The following ASXL1 variants were observed in gnomAD, a reference collection of about 807,000 sequenced individuals.
The protein encoded by ASXL1 is ASXL transcriptional regulator 1, also known as polycomb group protein ASXL1.
ASXL1 carries 65 observed loss-of-function variants against 89.1 expected under a neutral mutation model. The observed-to-expected ratio is 0.73, with a 90% CI of 0.60 to 0.90. The LOEUF (loss-of-function observed/expected upper bound fraction) is 0.90, where lower values mean the gene tolerates loss of function less well. Among genes scored for constraint, ASXL1 ranks in the 40% least tolerant of loss-of-function variants. ASXL1 has a pLI of 0.00. For missense variants in ASXL1, 1,786 were observed against 1,942.9 expected, an observed-to-expected ratio of 0.92 and a Z score of 1.52; for synonymous variants, 739 against 746.9, an observed-to-expected ratio of 0.99 and a Z score of 0.17.
Position 32,435,436 on chromosome 20 carries a change from G to GA in ASXL1, c.2727dup (p.Gln910ThrfsTer14). 2 of 1,614,114 alleles carry GA rather than the reference G, an allele frequency of 1.2e-6. No homozygotes were observed. Among genetic ancestry groups the GA allele is most frequent in the Non-Finnish European group, 1.7e-6 (2 of 1,180,042 alleles). ...CCATCCCATCGAATGATGAGGTAGT[G>GA]AAACAGCCCAAACCAGAATCCAGAG... is the stretch of plus-strand genomic sequence containing the variant. On this transcript the variant is annotated frameshift_variant, in exon 13 of 13. Transcript: ENST00000375687. LOFTEE classifies it low-confidence loss of function (END_TRUNC).
chr20:32,371,957 A>C, intron 4 of ASXL1: 1 of 402,134 alleles, frequency 2.5e-6, no homozygotes, highest in Non-Finnish European at 4.4e-6. Context: ...AGTTATAATT[A>C]TTTAATACAT....
chr20:32,382,270 C>T lies in ASXL1; in HGVS notation c.252+13147C>T, dbSNP rs142757593. Among the ~76,000 whole-genome samples the T allele has an allele frequency of 6.6e-3, 1,009 of 152,112 alleles. 10 individuals are homozygous for T. Among genetic ancestry groups the T allele is most frequent in the African/African-American group, 0.023 (951 of 41,492 alleles). On this transcript the variant is annotated intron_variant, in intron 4 of 12. Transcript: ENST00000375687. ...GATTACAGGTGTGAGCCAGCGCACC[C>T]GGCCTCTTGCCCTCTTTAGAGCAGT...
chr20:32,429,237 C>T lies in ASXL1; in HGVS notation c.472-101C>T. 8.2e-7 allele frequency: 1 copy of T among 1,217,138 alleles called. No individual in the cohort carries two copies. The highest frequency in any genetic ancestry group is 1.2e-6 in the Non-Finnish European group (1 of 841,500). 75.4% of individuals were successfully genotyped at this position (1,217,138 alleles called of 1,614,324 possible). On this transcript the variant is annotated intron_variant, in intron 6 of 12. Coordinates refer to ENST00000375687, the MANE Select transcript of ASXL1 (RefSeq NM_015338.6). The surrounding 1 kb of genome is among the most constrained non-coding windows in gnomAD (Gnocchi z 4.9). ...TTTGACAGATCTGGTTGAAGACGAA[C>T]TTCATTTTACAAGAGCGTGAGTAGA...
intron 4 of ASXL1, chr20:32,427,062 A>G (rs1206884634): frequency 6.6e-6 from 1 of 152,136 alleles, no homozygotes; most frequent in African/African-American, 2.4e-5. Context: ...CAAAGAAGAC[A>G]TTCTCCTCCT....
chr20:32,411,407 T>C (rs1049386204), intron 4 of ASXL1, among the ~76,000 whole-genome samples: 1 of 151,462 alleles, frequency 6.6e-6, no homozygotes, highest in Non-Finnish European at 1.5e-5. Context: ...TTTGTCTTTT[T>C]AGTAGAGACG....
At chr20:32,381,273 C>T (rs955303294) in intron 4 of ASXL1, among the ~76,000 whole-genome samples, 6 of 152,126 alleles carry the variant, frequency 3.9e-5, no homozygotes, top group Admixed American at 6.6e-5. Context: ...GGTGCCATCA[C>T]GGCTCACTGC....
At chr20:32,411,025 C>G (rs1360089405) in intron 4 of ASXL1, among the ~76,000 whole-genome samples, 1 of 77,916 alleles carries the variant, frequency 1.3e-5, no homozygotes, top group Non-Finnish European at 2.3e-5. Context: ...GAACAAGACT[C>G]TGTCTCAAAA....
rs765042920 is a variant in ASXL1 at position 32,438,382 on chromosome 20, A to T, written c.*1044A>T. On this transcript the variant is annotated 3_prime_UTR_variant, in exon 13 of 13. Coordinates refer to ENST00000375687, the MANE Select transcript of ASXL1 (RefSeq NM_015338.6). ...CTCTTCCTAATTTTACATCTTCAGCATCATTGCATTAAAGTGGTGTAATCT... is the reference window on the plus strand; with the variant it reads ...CTCTTCCTAATTTTACATCTTCAGCTTCATTGCATTAAAGTGGTGTAATCT... 16 of 233,648 alleles carry T rather than the reference A, an allele frequency of 6.8e-5. No individual in the cohort carries two copies. Among genetic ancestry groups the T allele is most frequent in the Admixed American group, 2.2e-4 (4 of 17,806 alleles). 14.5% of individuals were successfully genotyped at this position (233,648 alleles called of 1,614,324 possible). A position where few individuals can be genotyped will look rare whatever the true frequency, so the allele number is the denominator to read the frequency against.
At chr20:32,434,377 C>A in intron 12 of ASXL1, 55 bp from the exon 13 acceptor site, 4 of 1,597,132 alleles carry the variant, frequency 2.5e-6, no homozygotes, top group Non-Finnish European at 3.4e-6. Context: ...GCTTTACAGT[C>A]CCTAGGTCAG....
intron 4 of ASXL1, among the ~76,000 whole-genome samples, chr20:32,420,597 A>G (rs2049225449): frequency 6.6e-6 from 1 of 152,228 alleles, no homozygotes; most frequent in Non-Finnish European, 1.5e-5. Context: ...GTGAGTAAAA[A>G]GTATACAGCA....
rs565514488 is a variant in ASXL1 at position 32,421,938 on chromosome 20, G to A, written c.253-6190G>A. On this transcript the variant is annotated intron_variant, in intron 4 of 12. Transcript: ENST00000375687. Reference sequence around the variant, plus strand: ...GGCTGGAGTGCAGTGGCGTGATCTCGGCTCACTGCAAGCTCCGCCTCCCGG... The same window carrying A: ...GGCTGGAGTGCAGTGGCGTGATCTCAGCTCACTGCAAGCTCCGCCTCCCGG... Among the ~76,000 whole-genome samples the A allele has an allele frequency of 1.9e-3, 275 of 141,712 alleles. 3 individuals are homozygous for A. The highest frequency in any genetic ancestry group is 6.7e-3 in the African/African-American group (259 of 38,642). 93.0% of individuals were successfully genotyped at this position (141,712 alleles called of 152,430 possible).
intron 10 of ASXL1, 57 bp downstream of exon 10, chr20:32,431,736 A>T (rs1376624556): frequency 6.4e-7 from 1 of 1,558,820 alleles, no homozygotes; most frequent in Non-Finnish European, 8.8e-7. Context: ...GTGGTGTTGC[A>T]TGTCTCCTGG....
At chr20:32,364,444 C>G (rs1339494072) in intron 1 of ASXL1, among the ~76,000 whole-genome samples, 2 of 152,258 alleles carry the variant, frequency 1.3e-5, no homozygotes, top group African/African-American at 4.8e-5. Context: ...TTTTGAACTC[C>G]TAGGCTCAAG....
At chr20:32,371,926 A>C (rs906978084) in intron 4 of ASXL1, 2 of 362,058 alleles carry the variant, frequency 5.5e-6, no homozygotes, top group African/African-American at 4.3e-5. Flanking sequence ...GCTTATTGTT[A>C]CATATGCTGT....
chr20:32,421,459 A>AT lies in ASXL1; in HGVS notation c.253-6659dup, dbSNP rs1205842459. Among the ~76,000 whole-genome samples, 661 of 149,858 alleles carry AT rather than the reference A, an allele frequency of 4.4e-3. 1 individual carries two copies. Among genetic ancestry groups the AT allele is most frequent in the Middle Eastern group, 0.017 (5 of 290 alleles). ...CTCCTCAAGTGCTGTTGGGAGTATA[A>AT]TTTTTTTTTTAATAAAGTTAGCTTT... On this transcript the variant is annotated intron_variant, in intron 4 of 12. Coordinates refer to ENST00000375687, the MANE Select transcript of ASXL1 (RefSeq NM_015338.6).
rs149307040 is a variant in ASXL1 at position 32,427,940 on chromosome 20, T to C, written c.253-188T>C. Reference sequence around the variant, plus strand: ...TTTAATGAATGTTTGAATGCAAAAGTGTATCTAACTTTCTTAATGATATAT... The same window carrying C: ...TTTAATGAATGTTTGAATGCAAAAGCGTATCTAACTTTCTTAATGATATAT... On this transcript the variant is annotated intron_variant, in intron 4 of 12. Transcript: ENST00000375687. 4.7e-4 allele frequency: 364 copies of C among 770,076 alleles called. 1 individual carries two copies. The African/African-American group carries it at 5.7e-3, about 12-fold the overall frequency. The allele number at this position is 770,076 out of a possible 1,614,324, so 47.7% of individuals were successfully genotyped here. A position where few individuals can be genotyped will look rare whatever the true frequency, so the allele number is the denominator to read the frequency against.
At chr20:32,411,043 A>T (rs1162048147) in intron 4 of ASXL1, among the ~76,000 whole-genome samples, 8 of 52,356 alleles carry the variant, frequency 1.5e-4, no homozygotes, top group Non-Finnish European at 2.9e-4. Context: ...AAAAAAAAAA[A>T]AAATAAAAAA....
chr20:32,404,382 C>G (rs1419104378), intron 4 of ASXL1, among the ~76,000 whole-genome samples: 2 of 151,956 alleles, frequency 1.3e-5, no homozygotes, highest in Non-Finnish European at 2.9e-5. Flanking sequence ...AGATATATAC[C>G]TAGTTTTTTT....
chr20:32,418,278 G>A (rs2049172845), intron 4 of ASXL1, among the ~76,000 whole-genome samples: 1 of 152,100 alleles, frequency 6.6e-6, no homozygotes, highest in African/African-American at 2.4e-5. Flanking sequence ...AGGCTGAGGT[G>A]GGAAGATCAC....
Sources: gnomAD v4.1 joint callset for allele counts (sites outside exome capture counted in the v4.1 genomes callset) on GRCh38, gnomAD v4.1.1 for gene constraint, Gnocchi (gnomAD v3.1) non-coding constraint, MANE v1.5 for transcripts, NCBI Gene and HGNC (gene_info 2026-07-23, HGNC 2026-07-21) for gene names.